Variants in WWP1 observed in about 807,000 individuals in gnomAD.
WWP1 encodes the protein WW domain containing E3 ubiquitin protein ligase 1, also known as NEDD4-like E3 ubiquitin-protein ligase WWP1.
WWP1 carries 49 observed loss-of-function variants against 130.6 expected under a neutral mutation model. The ratio of observed to expected loss-of-function variants is 0.38; its 90% confidence interval spans 0.30 to 0.48. The LOEUF is 0.48. Among genes scored for constraint, WWP1 ranks in the 20% least tolerant of loss-of-function variants. The pLI, the probability that WWP1 is intolerant of heterozygous loss-of-function variation, is 0.99. For synonymous variants in WWP1, 332 were observed against 367.8 expected, an observed-to-expected ratio of 0.90 and a Z score of 1.11; for missense variants, 809 against 1,100.6, an observed-to-expected ratio of 0.74 and a Z score of 3.75.
At chr8:86,360,138 G>A (rs1174925665) in intron 1 of WWP1, among the ~76,000 whole-genome samples, 2 of 142,388 alleles carry the variant, frequency 1.4e-5, no homozygotes, top group African/African-American at 3.0e-5. Flanking sequence ...CTGAGACTCC[G>A]TCTCAAAAAA....
chr8:86,345,025 T>G (rs1239601634), intron 1 of WWP1, among the ~76,000 whole-genome samples: 1 of 152,164 alleles, frequency 6.6e-6, no homozygotes, highest in Non-Finnish European at 1.5e-5. Context: ...TAGTGTGAAC[T>G]GAGGTAGGGA....
chr8:86,426,297 G>T (rs1024643304), intron 10 of WWP1, among the ~76,000 whole-genome samples: 3 of 152,146 alleles, frequency 2.0e-5, no homozygotes, highest in Non-Finnish European at 4.4e-5. Flanking sequence ...ATTAGGCAGA[G>T]GTTGTCTTTA....
In WWP1 at chr8:86,395,496, G is replaced by A. The variant is rs201960797; in HGVS notation, c.335-2846G>A. On this transcript the variant is annotated intron_variant, in intron 5 of 24. Transcript: ENST00000517970. Reference sequence around the variant, plus strand: ...GATTCATACTGTCCCAAACAAGAGAGCAAAGAGAAAAGTCATGCCTGGTGA... The same window carrying A: ...GATTCATACTGTCCCAAACAAGAGAACAAAGAGAAAAGTCATGCCTGGTGA... Among the ~76,000 whole-genome samples, 1,047 of 152,102 alleles carry A rather than the reference G, an allele frequency of 6.9e-3. 14 individuals carry two copies. The highest frequency in any genetic ancestry group is 0.063 in the East Asian group (327 of 5,164).
At position 86,461,696 on chromosome 8, in the gene WWP1, T is replaced by A. The variant is rs1328751251; in HGVS notation, c.2597-78T>A. On this transcript the variant is annotated intron_variant, in intron 23 of 24. Coordinates refer to ENST00000517970, the MANE Select transcript of WWP1 (RefSeq NM_007013.4). ...GTATCATTCATATGACTGTGCAACA[T>A]GTTCTATTATTTAAGCAGTTGTCAG... The A allele has an allele frequency of 6.4e-6, 7 of 1,091,530 alleles. No individual in the cohort carries two copies. In the Admixed American group the frequency reaches 9.1e-5, roughly 14 times the overall value. 67.6% of individuals were successfully genotyped at this position (1,091,530 alleles called of 1,614,324 possible).
At chr8:86,396,565 A>AT (rs57138089) in intron 5 of WWP1, among the ~76,000 whole-genome samples, 62,373 of 139,518 alleles carry the variant, frequency 0.45, 14,000 homozygotes, top group Middle Eastern at 0.51. Context: ...TGGTTTAAAC[A>AT]TTTTTTTTTT....
intron 11 of WWP1, among the ~76,000 whole-genome samples, chr8:86,429,058 G>C (rs574301336): frequency 6.6e-6 from 1 of 152,222 alleles, no homozygotes; most frequent in Admixed American, 6.5e-5. Context: ...TCAAGGACCC[G>C]GGTTCTTTCT....
chr8:86,364,882 AAGAG>A (rs1333861800), intron 1 of WWP1, among the ~76,000 whole-genome samples: 2 of 151,962 alleles, frequency 1.3e-5, no homozygotes, highest in Admixed American at 6.6e-5. Context: ...GAAAGAAAGA[AAGAG>A]AGAAAATAAA....
chr8:86,466,465 A>C (rs1241262615), intron 24 of WWP1, among the ~76,000 whole-genome samples: 1 of 152,134 alleles, frequency 6.6e-6, no homozygotes, highest in East Asian at 1.9e-4. Context: ...GGATGAAAGA[A>C]ATGGACTCTT....
chr8:86,379,294 T>C (rs371181355), intron 3 of WWP1, among the ~76,000 whole-genome samples: 46 of 152,298 alleles, frequency 3.0e-4, no homozygotes, highest in African/African-American at 9.4e-4. Flanking sequence ...AGACATAACA[T>C]TGAACACTCT....
chr8:86,372,208 G>C (rs988989849), intron 2 of WWP1, among the ~76,000 whole-genome samples: 2 of 151,478 alleles, frequency 1.3e-5, no homozygotes, highest in Non-Finnish European at 2.9e-5. Context: ...ATTTTTAGTA[G>C]AGACGGGGTT....
chr8:86,390,103 C>T (rs867473924), intron 5 of WWP1, among the ~76,000 whole-genome samples: 58 of 150,542 alleles, frequency 3.9e-4, no homozygotes, highest in Middle Eastern at 7.1e-3. Flanking sequence ...GACGGAGCGG[C>T]GGGGCAGAGG....
At chr8:86,402,522 C>A (rs1468453266) in intron 8 of WWP1, among the ~76,000 whole-genome samples, 2 of 152,132 alleles carry the variant, frequency 1.3e-5, no homozygotes, top group Non-Finnish European at 2.9e-5. Flanking sequence ...GAACTCCTGA[C>A]CTCAAGTGAT....
At chr8:86,453,913 T>A (rs1015728161) in intron 21 of WWP1, among the ~76,000 whole-genome samples, 2 of 152,204 alleles carry the variant, frequency 1.3e-5, no homozygotes, top group Non-Finnish European at 2.9e-5. Context: ...TTGGGTGTGC[T>A]ATTTTAACTG....
rs189794336 is a variant in WWP1, at chr8:86,443,323, C to T, written c.1998+545C>T. ...TCCTGAGCTGAAGTGATCCGCCTGT[C>T]TCGGCCTCCCAAAGTGCTCAGATTA... On this transcript the variant is annotated intron_variant, in intron 18 of 24. Transcript: ENST00000517970. Among the ~76,000 whole-genome samples, 211 of 152,298 alleles carry T rather than the reference C, an allele frequency of 1.4e-3. 2 individuals are homozygous for T. The highest frequency in any genetic ancestry group is 2.4e-3 in the Non-Finnish European group (166 of 68,032).
intron 24 of WWP1, 51 bp downstream of exon 24, chr8:86,461,897 G>C: frequency 6.7e-7 from 1 of 1,491,400 alleles, no homozygotes. Flanking sequence ...AGAATCTTTT[G>C]TTTTGTTTTT....
intron 3 of WWP1, among the ~76,000 whole-genome samples, chr8:86,379,040 C>G (rs1007119964): frequency 6.6e-6 from 1 of 152,234 alleles, no homozygotes; most frequent in African/African-American, 2.4e-5. Context: ...CCAGATATGT[C>G]TATCCCTCTG....
chr8:86,401,518 C>T (rs1444108871), intron 7 of WWP1, among the ~76,000 whole-genome samples: 1 of 150,858 alleles, frequency 6.6e-6, no homozygotes, highest in Non-Finnish European at 1.5e-5. Flanking sequence ...CACTGCACTC[C>T]AGCCTTGGTG....
rs538015154 is a variant in WWP1 at position 86,424,366 on chromosome 8, G to A, written c.1062-857G>A. The stretch of plus-strand genomic sequence containing the variant: ...GCTCCTCACATCCCAGACGATGGGC[G>A]GCCAGGCAGAGACGCTCCTCACTTC... On this transcript the variant is annotated intron_variant, in intron 9 of 24. Transcript: ENST00000517970. Among the ~76,000 whole-genome samples the A allele has an allele frequency of 5.3e-5, 8 of 151,674 alleles. No individual in the cohort carries two copies. In the South Asian group the frequency reaches 6.3e-4, roughly 12 times the overall value.
At chr8:86,390,025 G>T (rs953127366) in intron 5 of WWP1, among the ~76,000 whole-genome samples, 1 of 151,630 alleles carries the variant, frequency 6.6e-6, no homozygotes, top group Non-Finnish European at 1.5e-5. Flanking sequence ...AGGGGTGGCG[G>T]TCTGGCAGAG....
Sources: gnomAD v4.1 joint callset for allele counts (sites outside exome capture counted in the v4.1 genomes callset) on GRCh38, gnomAD v4.1.1 for gene constraint, MANE v1.5 for transcripts, NCBI Gene and HGNC (gene_info 2026-07-23, HGNC 2026-07-21) for gene names.